PRKN: variants seen among roughly 807,000 people sequenced by gnomAD.
The protein encoded by PRKN is E3 ubiquitin-protein ligase parkin.
Under a neutral mutation model 59.5 loss-of-function variants are expected in PRKN, and 56 were observed. The observed-to-expected ratio is 0.94, with a 90% confidence interval of 0.76 to 1.18. The LOEUF (loss-of-function observed/expected upper bound fraction) is 1.18, where lower values mean the gene tolerates loss of function less well. Among genes scored for constraint, PRKN ranks in the 50% most tolerant of loss-of-function variants. PRKN has a pLI of 0.00. For missense variants in PRKN, 657 were observed against 596.4 expected, an observed-to-expected ratio of 1.10 and a Z score of -1.06; for synonymous variants, 250 against 222.1, an observed-to-expected ratio of 1.13 and a Z score of -1.12.
intron 2 of PRKN, among the ~76,000 whole-genome samples, chr6:162,408,849 C>T (rs1583521563): frequency 6.6e-6 from 1 of 152,236 alleles, no homozygotes; most frequent in South Asian, 2.1e-4. Context: ...AGTTGATTCT[C>T]ATTCTTCATT....
chr6:162,561,530 T>G (rs922808688), intron 1 of PRKN, among the ~76,000 whole-genome samples: 2 of 151,914 alleles, frequency 1.3e-5, no homozygotes, highest in African/African-American at 4.8e-5. Context: ...GATTTCCACT[T>G]CATATCCCTG....
At chr6:162,528,917 G>A (rs922910195) in intron 1 of PRKN, among the ~76,000 whole-genome samples, 4 of 151,972 alleles carry the variant, frequency 2.6e-5, no homozygotes, top group Admixed American at 2.0e-4. Context: ...TTGATGTGTC[G>A]CCCAGGCTGG....
At chr6:161,679,684 CTT>C (rs1554292014) in intron 7 of PRKN, among the ~76,000 whole-genome samples, 2 of 84,892 alleles carry the variant, frequency 2.4e-5, no homozygotes, top group African/African-American at 4.1e-5. Flanking sequence ...ACCCCCCCCC[CTT>C]TTTTTTTTTT....
intron 1 of PRKN, among the ~76,000 whole-genome samples, chr6:162,475,970 T>TCAA (rs10660801): frequency 6.6e-6 from 1 of 151,084 alleles, no homozygotes; most frequent in East Asian, 2.0e-4. Context: ...CAGGATGGTC[T>TCAA]TGTTCTCACC....
At chr6:162,645,736 T>C (rs954254670) in intron 1 of PRKN, among the ~76,000 whole-genome samples, 2 of 152,172 alleles carry the variant, frequency 1.3e-5, no homozygotes, top group South Asian at 2.1e-4. Flanking sequence ...ATGAGATTGT[T>C]TGATAGCCAC....
At chr6:161,870,156 A>C (rs1052568697) in intron 6 of PRKN, among the ~76,000 whole-genome samples, 1 of 152,190 alleles carries the variant, frequency 6.6e-6, no homozygotes, top group African/African-American at 2.4e-5. Flanking sequence ...AGGCACGTTC[A>C]GGGTGGTATG....
intron 2 of PRKN, among the ~76,000 whole-genome samples, chr6:162,386,311 A>G (rs996777700): frequency 6.6e-6 from 1 of 152,206 alleles, no homozygotes; most frequent in Non-Finnish European, 1.5e-5. Context: ...CGTGGTATAT[A>G]ATAAAAACAT....
rs1039321317 is a variant in PRKN at position 161,397,982 on chromosome 6, T to C, written c.1084-11105A>G. 4.0e-5 allele frequency among the ~76,000 whole-genome samples: 6 copies of C among 151,754 alleles called. No individual in the cohort carries two copies. Among genetic ancestry groups the C allele is most frequent in the Admixed American group, 6.6e-5 (1 of 15,250 alleles). On this transcript the variant is annotated intron_variant, in intron 9 of 11. Coordinates refer to ENST00000366898, the MANE Select transcript of PRKN (RefSeq NM_004562.3). The surrounding 1 kb of genome is among the most constrained non-coding windows in gnomAD (Gnocchi z 4.2). ...TCAGTTTGAAAACAGCAAAAGATGA[T>C]GAAAAGAGAGAGAATGAAGACGCTA...
At chr6:161,509,754 C>T (rs952911418) in intron 9 of PRKN, among the ~76,000 whole-genome samples, 1 of 151,628 alleles carries the variant, frequency 6.6e-6, no homozygotes, top group African/African-American at 2.4e-5. Context: ...GTGGTGCGCG[C>T]CTGTAATCCC....
intron 1 of PRKN, among the ~76,000 whole-genome samples, chr6:162,526,370 G>A (rs1778285255): frequency 6.6e-6 from 1 of 151,418 alleles, no homozygotes; most frequent in Admixed American, 6.6e-5. Flanking sequence ...AACCAAAGGT[G>A]GCCGGGCACG....
intron 9 of PRKN, among the ~76,000 whole-genome samples, chr6:161,437,019 C>T (rs749056111): frequency 8.5e-5 from 13 of 152,142 alleles, no homozygotes; most frequent in Non-Finnish European, 1.2e-4. Context: ...GGGATACGTT[C>T]CCAGACCCTC....
At chr6:162,724,788 T>C (rs977441074) in intron 1 of PRKN, among the ~76,000 whole-genome samples, 1 of 152,228 alleles carries the variant, frequency 6.6e-6, no homozygotes, top group Non-Finnish European at 1.5e-5. Flanking sequence ...TTATAGACTC[T>C]TGTTCTCTGT....
chr6:162,645,934 G>T (rs1469047801), intron 1 of PRKN, among the ~76,000 whole-genome samples: 9 of 147,292 alleles, frequency 6.1e-5, no homozygotes, highest in Non-Finnish European at 1.3e-4. Context: ...GAGTGCAGTG[G>T]CAAGATCTCA....
intron 6 of PRKN, among the ~76,000 whole-genome samples, chr6:161,972,801 G>A (rs1780873753): frequency 6.6e-6 from 1 of 152,188 alleles, no homozygotes. Flanking sequence ...GGAGGCTGAG[G>A]TGGGCAGATC....
intron 6 of PRKN, among the ~76,000 whole-genome samples, chr6:161,886,595 G>A (rs751677174): frequency 6.6e-6 from 1 of 152,096 alleles, no homozygotes; most frequent in Non-Finnish European, 1.5e-5. Context: ...ACTCAGGAAG[G>A]CTGAGGCAGG....
chr6:162,179,953 T>G (rs1783715932), intron 4 of PRKN, among the ~76,000 whole-genome samples: 1 of 149,362 alleles, frequency 6.7e-6, no homozygotes. Context: ...GACAGTGCTT[T>G]TTGTTATCTT....
At chr6:162,052,858 C>A (rs1362030220) in intron 5 of PRKN, among the ~76,000 whole-genome samples, 1 of 151,846 alleles carries the variant, frequency 6.6e-6, no homozygotes, top group Non-Finnish European at 1.5e-5. Flanking sequence ...ATATGTATAA[C>A]ACATATGTAT....
At chr6:161,822,413 C>T (rs1271890519) in intron 6 of PRKN, among the ~76,000 whole-genome samples, 3 of 152,188 alleles carry the variant, frequency 2.0e-5, no homozygotes, top group African/African-American at 7.2e-5. Context: ...CGGTGGCTCA[C>T]GCCTGTAATC....
intron 1 of PRKN, among the ~76,000 whole-genome samples, chr6:162,561,040 C>G (rs375330877): frequency 4.6e-5 from 7 of 152,118 alleles, no homozygotes; most frequent in Non-Finnish European, 1.0e-4. Context: ...GAAGGAAAGA[C>G]GATTTGCAGC....
Sources: gnomAD v4.1 joint callset for allele counts (sites outside exome capture counted in the v4.1 genomes callset) on GRCh38, gnomAD v4.1.1 for gene constraint, Gnocchi (gnomAD v3.1) non-coding constraint, MANE v1.5 for transcripts, NCBI Gene and HGNC (gene_info 2026-07-23, HGNC 2026-07-21) for gene names.